Variants in RGL1 observed in about 807,000 individuals in gnomAD.
RGL1 encodes the protein ral guanine nucleotide dissociation stimulator like 1, also known as ral guanine nucleotide dissociation stimulator-like 1.
Under a neutral mutation model 95.2 loss-of-function variants are expected in RGL1, and 24 were observed. The observed-to-expected ratio is 0.25, with a 90% CI of 0.18 to 0.35. RGL1 has a LOEUF of 0.35. RGL1 is among the 10% of genes least tolerant of loss of function. The probability of loss-of-function intolerance (pLI) is 1.00; values close to 1 mark genes in which losing one functional copy is unlikely to be tolerated. For missense variants in RGL1, 715 were observed against 936.3 expected (o/e 0.76, Z 3.08); for synonymous variants, 329 against 344.9 (o/e 0.95, Z 0.51).
At chr1:183,917,939 A>G (rs1335053851) in intron 16 of RGL1, among the ~76,000 whole-genome samples, 1 of 152,224 alleles carries the variant, frequency 6.6e-6, no homozygotes, top group African/African-American at 2.4e-5. Flanking sequence ...GGAAGCTGCT[A>G]TCATGTTCCA....
chr1:183,830,872 A>G (rs1166832520), intron 2 of RGL1, among the ~76,000 whole-genome samples: 3 of 152,132 alleles, frequency 2.0e-5, no homozygotes, highest in Non-Finnish European at 4.4e-5. Flanking sequence ...AGATTTTTGT[A>G]TTTTTCAAGG....
At chr1:183,729,128 A>G (rs572497422) in intron 1 of RGL1, among the ~76,000 whole-genome samples, 9 of 152,108 alleles carry the variant, frequency 5.9e-5, no homozygotes, top group Non-Finnish European at 1.3e-4. Context: ...AAAATTTAAA[A>G]CCCGTTTATA....
chr1:183,896,566 C>T (rs978578627), intron 9 of RGL1, among the ~76,000 whole-genome samples: 1 of 152,222 alleles, frequency 6.6e-6, no homozygotes, highest in East Asian at 1.9e-4. Context: ...TGAAAAAAAC[C>T]CTTTTGTGGT....
intron 1 of RGL1, among the ~76,000 whole-genome samples, chr1:183,671,551 C>G (rs1444924726): frequency 6.6e-6 from 1 of 152,072 alleles, no homozygotes; most frequent in Non-Finnish European, 1.5e-5. Context: ...CTAGTTTCTT[C>G]TAAGCTTGCC....
intron 1 of RGL1, among the ~76,000 whole-genome samples, chr1:183,671,201 C>T (rs1044467665): frequency 1.3e-5 from 2 of 152,108 alleles, no homozygotes; most frequent in African/African-American, 4.8e-5. Context: ...CTGGTCTCTC[C>T]CTTGACATGT....
chr1:183,693,780 G>A (rs967732370), intron 1 of RGL1, among the ~76,000 whole-genome samples: 10 of 152,104 alleles, frequency 6.6e-5, no homozygotes, highest in African/African-American at 1.7e-4. Context: ...GCAGTAAAGT[G>A]TTGTTCTGGA....
intron 3 of RGL1, among the ~76,000 whole-genome samples, chr1:183,852,383 T>G (rs1372587711): frequency 6.6e-6 from 1 of 152,226 alleles, no homozygotes; most frequent in Non-Finnish European, 1.5e-5. Flanking sequence ...GACCCCTGTT[T>G]CCTGTGCTTC....
chr1:183,652,991 A>G (rs1650876492), intron 1 of RGL1: 1 of 152,262 alleles, frequency 6.6e-6, no homozygotes, highest in East Asian at 1.9e-4. Flanking sequence ...GCACTGGAGT[A>G]ATTGGAGAAT....
intron 14 of RGL1, among the ~76,000 whole-genome samples, chr1:183,909,072 A>G (rs905125558): frequency 3.3e-5 from 5 of 152,228 alleles, no homozygotes; most frequent in African/African-American, 9.6e-5. Flanking sequence ...TACTCAGTAC[A>G]TCTCTTACTA....
At chr1:183,795,909 T>C (rs150027765) in intron 2 of RGL1, among the ~76,000 whole-genome samples, 1 of 152,330 alleles carries the variant, frequency 6.6e-6, no homozygotes, top group East Asian at 1.9e-4. Context: ...TAAAAAATCT[T>C]GAGCTACTCA....
intron 1 of RGL1, among the ~76,000 whole-genome samples, chr1:183,679,623 C>G (rs1653074564): frequency 6.6e-6 from 1 of 151,964 alleles, no homozygotes; most frequent in South Asian, 2.1e-4. Context: ...CACTGATGGG[C>G]ATTTAGGTTG....
At chr1:183,770,331 CAG>C (rs774207092) in intron 2 of RGL1, among the ~76,000 whole-genome samples, 1 of 151,908 alleles carries the variant, frequency 6.6e-6, no homozygotes, top group South Asian at 2.1e-4. Flanking sequence ...ACCAGAGAGA[CAG>C]AGAGAGAGAG....
At chr1:183,880,875 C>T in intron 5 of RGL1, 75 bp downstream of exon 5, 2 of 1,378,944 alleles carry the variant, frequency 1.5e-6, no homozygotes, top group South Asian at 1.4e-5. Flanking sequence ...AAGGTTCTCC[C>T]TGTGCTGGCT....
chr1:183,900,822 T>C (rs1195104508), intron 11 of RGL1, among the ~76,000 whole-genome samples: 1 of 151,586 alleles, frequency 6.6e-6, no homozygotes, highest in African/African-American at 2.4e-5. Flanking sequence ...TGAACTCTTA[T>C]GAGGGGTTGT....
Position 183,884,909 on chromosome 1 carries a change from A to G in RGL1, c.922A>G (p.Ile308Val). The G allele has an allele frequency of 6.2e-7, 1 of 1,614,078 alleles. No individual in the cohort carries two copies. Among genetic ancestry groups the G allele is most frequent in the East Asian group, 2.2e-5 (1 of 44,856 alleles). Residue 308 changes from isoleucine (I) to valine (V), a missense_variant, in exon 7 of 18, where the codon ATC becomes GTC. Ile to Val is a conservative substitution (Grantham distance 29). Transcript: ENST00000360851. ...ACTCAAAACTCAGCAGAGAGCCAAA[A>G]TCATTGAGAAGTGGATCAACATCGC... ...KELKTQQRAK[I>V]IEKWINIAHE...
intron 1 of RGL1, chr1:183,709,513 G>C (rs1398736041): frequency 6.6e-6 from 1 of 152,336 alleles, no homozygotes; most frequent in African/African-American, 2.4e-5. Context: ...CCTAGATTGG[G>C]GTTCTTCCTG....
At chr1:183,828,235 C>A (rs1040385758) in intron 2 of RGL1, among the ~76,000 whole-genome samples, 4 of 152,130 alleles carry the variant, frequency 2.6e-5, no homozygotes, top group African/African-American at 9.7e-5. Flanking sequence ...GTCACATGAC[C>A]TTTATCCTGT....
intron 4 of RGL1, among the ~76,000 whole-genome samples, chr1:183,877,366 C>T (rs1200375738): frequency 6.6e-6 from 1 of 152,214 alleles, no homozygotes; most frequent in African/African-American, 2.4e-5. Context: ...GGCCAGTAAT[C>T]CTGTTTTTCT....
intron 1 of RGL1, among the ~76,000 whole-genome samples, chr1:183,702,165 CT>C (rs2102145608): frequency 6.6e-6 from 1 of 152,172 alleles, no homozygotes; most frequent in African/African-American, 2.4e-5. Flanking sequence ...TTTACAAATT[CT>C]GGTATGCCAA....
Sources: gnomAD v4.1 joint callset for allele counts (sites outside exome capture counted in the v4.1 genomes callset) on GRCh38, gnomAD v4.1.1 for gene constraint, MANE v1.5 for transcripts, NCBI Gene and HGNC (gene_info 2026-07-23, HGNC 2026-07-21) for gene names.